Variants in FER1L5 observed in about 807,000 individuals in gnomAD.
FER1L5 encodes fer-1 like family member 5.
Under a neutral mutation model 279.9 loss-of-function variants are expected in FER1L5, and 187 were observed. The observed-to-expected ratio is 0.67, with a 90% CI of 0.59 to 0.75. The LOEUF (loss-of-function observed/expected upper bound fraction) is 0.75. FER1L5 is among the 30% of genes least tolerant of loss of function. The pLI is 0.00. For synonymous variants in FER1L5, 921 were observed against 989.7 expected (o/e 0.93, Z 1.30); for missense variants, 2,091 against 2,594.4 (o/e 0.81, Z 4.21).
intron 19 of FER1L5, among the ~76,000 whole-genome samples, chr2:96,679,005 G>C (rs752915435): frequency 6.6e-6 from 1 of 152,018 alleles, no homozygotes; most frequent in Non-Finnish European, 1.5e-5. Context: ...TTATAGCTAA[G>C]AACTCTTTGG....
chr2:96,693,025 A>AT (rs2077216802), intron 31 of FER1L5, among the ~76,000 whole-genome samples: 1 of 151,956 alleles, frequency 6.6e-6, no homozygotes, highest in South Asian at 2.1e-4. Flanking sequence ...AAAATACAAA[A>AT]ATTAGCCGGG....
chr2:96,687,893 C>T lies in FER1L5; in HGVS notation c.2307C>T (p.Asp769=), dbSNP rs1270202857. 1 of 1,550,980 alleles carries T rather than the reference C, an allele frequency of 6.4e-7. No homozygotes were observed. The highest frequency in any genetic ancestry group is 2.4e-5 in the East Asian group (1 of 40,910). The change falls in exon 24 of 53, where the codon GAC becomes GAT. Residue 769 remains aspartate (D), a synonymous_variant. Transcript: ENST00000624922. Reference sequence around the variant, plus strand: ...GCATGTGGCTTGGCAATGTCACAGACAGCAAGGACCTGCAGCTGCTCCGCC... The same window carrying T: ...GCATGTGGCTTGGCAATGTCACAGATAGCAAGGACCTGCAGCTGCTCCGCC... ...RVCMWLGNVT[D]SKDLQLLRQG...
rs1558919654 is a variant in FER1L5, at chr2:96,694,399, T to TGGAAGAATG, written c.3679_3687dup (p.Lys1227_Gly1229dup). 6.4e-7 allele frequency: 1 copy of TGGAAGAATG among 1,550,666 alleles called. No individual in the cohort carries two copies. The highest frequency in any genetic ancestry group is 2.4e-5 in the East Asian group (1 of 40,900). On this transcript the variant is annotated inframe_insertion, in exon 34 of 53. Transcript: ENST00000624922. The surrounding 1 kb of genome is among the most constrained non-coding windows in gnomAD (Gnocchi z 4.6). ...GCAGCTGCCTATCTTAAGCGTTCCC[T>TGGAAGAATG]GGAAGAATGGGGCATACACACTCCC...
intron 9 of FER1L5, among the ~76,000 whole-genome samples, chr2:96,660,065 C>T (rs552770383): frequency 7.9e-5 from 12 of 152,218 alleles, no homozygotes; most frequent in African/African-American, 2.4e-4. Context: ...CTGCTTTGGC[C>T]GAGAGGGTGG....
intron 10 of FER1L5, among the ~76,000 whole-genome samples, chr2:96,660,770 T>C (rs1390416882): frequency 2.0e-5 from 3 of 152,196 alleles, no homozygotes; most frequent in South Asian, 2.1e-4. Flanking sequence ...GCCAGGCTGG[T>C]CTCGAACTCT....
chr2:96,699,986 C>G lies in FER1L5; in HGVS notation c.4836C>G (p.Arg1612=), dbSNP rs2077532000. ...DQMPPSYLLE[R]YAKRKGLPPP... ...TGCCCCCAAGCTACCTCCTAGAACG[C>G]TATGCCAAGCGGAAAGGGCTACCTC... The change falls in exon 44 of 53, where the codon CGC becomes CGG. Residue 1612 remains arginine, a synonymous_variant. Coordinates refer to ENST00000624922, the MANE Select transcript of FER1L5 (RefSeq NM_001293083.2). 6.2e-7 allele frequency: 1 copy of G among 1,613,882 alleles called. No individual in the cohort carries two copies. Among genetic ancestry groups the G allele is most frequent in the East Asian group, 2.2e-5 (1 of 44,894 alleles).
intron 19 of FER1L5, among the ~76,000 whole-genome samples, chr2:96,678,345 G>T (rs1342293345): frequency 1.3e-5 from 2 of 151,808 alleles, no homozygotes; most frequent in Non-Finnish European, 2.9e-5. Flanking sequence ...GCCCAGCCTG[G>T]TCTCAAAACT....
intron 45 of FER1L5, 46 bp downstream of exon 45, chr2:96,700,517 G>A (rs752444097): frequency 6.2e-7 from 1 of 1,608,080 alleles, no homozygotes; most frequent in Non-Finnish European, 8.5e-7. Flanking sequence ...GGAGGAGCTA[G>A]ATCAGGAGAC....
chr2:96,697,442 C>CT (rs757316291), intron 37 of FER1L5, 84 bp from the exon 38 acceptor site: 2 of 1,488,872 alleles, frequency 1.3e-6, no homozygotes, highest in Non-Finnish European at 1.8e-6. Flanking sequence ...CAGGGAAGCT[C>CT]TGGCCTCAAC....
chr2:96,691,356 G>C lies in FER1L5; in HGVS notation c.2907+3G>C. ...AGACCCTCTCCTTCCTGCAGCTGGT[G>C]AGGGGTCGACGGGCGCCCTGGCTGG... On this transcript the variant is annotated splice_donor_region_variant and intron_variant, in intron 28 of 52. Transcript: ENST00000624922. This position sits in a 1 kb window ranked among gnomAD's most constrained non-coding sequence, Gnocchi z 6.0. The C allele has an allele frequency of 1.3e-6, 2 of 1,548,198 alleles. No homozygotes were observed. The highest frequency in any genetic ancestry group is 8.7e-7 in the Non-Finnish European group (1 of 1,145,122).
intron 19 of FER1L5, among the ~76,000 whole-genome samples, chr2:96,676,447 G>A (rs1441703765): frequency 6.6e-6 from 1 of 152,132 alleles, no homozygotes; most frequent in African/African-American, 2.4e-5. Flanking sequence ...AATTACAAGC[G>A]TGAGCCGCTG....
Position 96,661,452 on chromosome 2 carries a change from CT to C in FER1L5, c.894+13del. Reference sequence around the variant, plus strand: ...GAGACCAGGCCCTGGTGAGCTGCCCCTAACCCCGGAAACTTTCCTATCCTGG... The same window carrying C: ...GAGACCAGGCCCTGGTGAGCTGCCCCAACCCCGGAAACTTTCCTATCCTGG... On this transcript the variant is annotated intron_variant, in intron 11 of 52. Transcript: ENST00000624922. 1.3e-6 allele frequency: 2 copies of C among 1,550,430 alleles called. No homozygotes were observed. Among genetic ancestry groups the C allele is most frequent in the Non-Finnish European group, 1.7e-6 (2 of 1,146,238 alleles).
chr2:96,688,051 GA>G, intron 24 of FER1L5, 104 bp downstream of exon 24: 2 of 1,445,150 alleles, frequency 1.4e-6, no homozygotes, highest in Non-Finnish European at 1.9e-6. Context: ...TTTGGCGTGA[GA>G]AGGGAGGGTG....
intron 7 of FER1L5, chr2:96,652,329 T>C (rs59021132): frequency 0.069 from 23,767 of 345,210 alleles, 2,321 homozygotes; most frequent in African/African-American, 0.29. Context: ...ACCCAGACCA[T>C]GTATGTCTCA....
rs768629126 is a variant in FER1L5 at position 96,645,816 on chromosome 2, AAAAAT to A, written c.86-580_86-576del. On this transcript the variant is annotated intron_variant, in intron 1 of 52. Transcript: ENST00000624922. ...CACACACACAAAAGAAAAGTAAAGA[AAAAAT>A]AAAAAGAGAAACAAAGAAAGAAAAT... 3.3e-5 allele frequency among the ~76,000 whole-genome samples: 5 copies of A among 152,222 alleles called. No individual in the cohort carries two copies. The South Asian group carries it at 6.2e-4, about 19-fold the overall frequency.
intron 9 of FER1L5, among the ~76,000 whole-genome samples, chr2:96,659,461 C>CTTTCTTTCTTTCTTTCT (rs2075839387): frequency 1.2e-4 from 3 of 25,896 alleles, no homozygotes; most frequent in Non-Finnish European, 1.8e-4. Flanking sequence ...TTCTTTCTTT[C>CTTTCTTTCTTTCTTTCT]TTTCTTTCTT....
chr2:96,680,297 T>C (rs906068368), intron 19 of FER1L5, among the ~76,000 whole-genome samples: 2 of 152,078 alleles, frequency 1.3e-5, no homozygotes, highest in Non-Finnish European at 2.9e-5. Flanking sequence ...TGCTTATTTA[T>C]CATTCCAGTC....
intron 10 of FER1L5, among the ~76,000 whole-genome samples, 163 bp downstream of exon 10, chr2:96,660,534 T>C (rs1019088618): frequency 6.6e-6 from 1 of 152,184 alleles, no homozygotes; most frequent in African/African-American, 2.4e-5. Flanking sequence ...CATTGTGGTA[T>C]TTTATTTTAC....
At chr2:96,663,693 CTGAGT>C (rs2106538337) in intron 14 of FER1L5, among the ~76,000 whole-genome samples, 186 bp downstream of exon 14, 1 of 152,250 alleles carries the variant, frequency 6.6e-6, no homozygotes, top group East Asian at 1.9e-4. Context: ...TTACAGCTTA[CTGAGT>C]TATCATTGAC....
Sources: allele counts gnomAD v4.1 joint callset (sites outside exome capture counted in the v4.1 genomes callset), GRCh38; gene constraint gnomAD v4.1.1; non-coding constraint Gnocchi (gnomAD v3.1); transcripts MANE v1.5; gene names NCBI Gene and HGNC (gene_info 2026-07-23, HGNC 2026-07-21).